The following GALNT13 variants were observed in gnomAD, a reference collection of about 807,000 sequenced individuals.
GALNT13 encodes UDP-GalNAc:polypeptide N-acetylgalactosaminyltransferase 13.
A neutral mutation model predicts 64.2 loss-of-function variants in GALNT13; 28 were observed. That is an observed-to-expected ratio of 0.44 (90% CI 0.32 to 0.60). GALNT13 has a LOEUF of 0.60. Among genes scored for constraint, GALNT13 ranks in the 20% least tolerant of loss-of-function variants. GALNT13 has a pLI of 0.05. For synonymous variants in GALNT13, 214 were observed against 224.6 expected, an observed-to-expected ratio of 0.95 and a Z score of 0.42; for missense variants, 577 against 669.8, an observed-to-expected ratio of 0.86 and a Z score of 1.53.
chr2:153,422,259 C>A, the GALNT13 span, among the ~76,000 whole-genome samples: 3 of 152,108 alleles, frequency 2.0e-5, no homozygotes, highest in Non-Finnish European at 2.9e-5. Flanking sequence ...AAAATCAGCA[C>A]AACTTCCAGT....
intron 11 of GALNT13, among the ~76,000 whole-genome samples, chr2:154,421,576 AATG>A (rs1320196030): frequency 7.0e-6 from 1 of 143,798 alleles, no homozygotes; most frequent in Non-Finnish European, 1.5e-5. Context: ...TTTCTGTATA[AATG>A]ATGAAGAAAA....
At chr2:154,008,328 A>G (rs754585016) in intron 3 of GALNT13, among the ~76,000 whole-genome samples, 25 of 152,144 alleles carry the variant, frequency 1.6e-4, no homozygotes, top group Non-Finnish European at 3.5e-4. Flanking sequence ...GTTATCCATT[A>G]TCTTGGAATA....
chr2:153,832,966 G>A, the GALNT13 span, among the ~76,000 whole-genome samples: 1 of 152,166 alleles, frequency 6.6e-6, no homozygotes, highest in South Asian at 2.1e-4. Flanking sequence ...TCAATTGCCT[G>A]TGGTCAAGCT....
At chr2:153,192,711 C>T in the GALNT13 span, among the ~76,000 whole-genome samples, 2 of 151,986 alleles carry the variant, frequency 1.3e-5, no homozygotes, top group African/African-American at 2.4e-5. Context: ...ACTGTTATAT[C>T]CTTTGGTTGA....
At chr2:154,067,650 G>A (rs1316404743) in intron 3 of GALNT13, among the ~76,000 whole-genome samples, 1 of 151,978 alleles carries the variant, frequency 6.6e-6, no homozygotes, top group Non-Finnish European at 1.5e-5. Context: ...AAATATTAGA[G>A]CTAAAAAGAG....
the GALNT13 span, among the ~76,000 whole-genome samples, chr2:153,398,255 T>A: frequency 6.6e-5 from 10 of 152,304 alleles, no homozygotes; most frequent in African/African-American, 2.4e-4. Flanking sequence ...CATAAACTCA[T>A]CATTTTTTGT....
chr2:153,547,931 G>A, the GALNT13 span, among the ~76,000 whole-genome samples: 2 of 152,154 alleles, frequency 1.3e-5, no homozygotes, highest in African/African-American at 4.8e-5. Context: ...CTTGATTGCT[G>A]TAAAAATGGA....
At chr2:153,316,430 C>T in the GALNT13 span, among the ~76,000 whole-genome samples, 1 of 151,838 alleles carries the variant, frequency 6.6e-6, no homozygotes, top group Non-Finnish European at 1.5e-5. Context: ...ATCATGAGGT[C>T]AGGAGATCGA....
chr2:153,334,210 T>C, the GALNT13 span, among the ~76,000 whole-genome samples: 9 of 152,206 alleles, frequency 5.9e-5, no homozygotes, highest in African/African-American at 1.2e-4. Flanking sequence ...ATAATTTTCA[T>C]TGGATTGAAT....
the GALNT13 span, among the ~76,000 whole-genome samples, chr2:153,654,890 C>A: frequency 6.6e-6 from 1 of 152,056 alleles, no homozygotes; most frequent in South Asian, 2.1e-4. Context: ...ATCTATGTGG[C>A]ACCTGAATCC....
the GALNT13 span, among the ~76,000 whole-genome samples, chr2:153,531,329 G>A: frequency 5.3e-5 from 8 of 152,138 alleles, no homozygotes; most frequent in African/African-American, 1.9e-4. Flanking sequence ...AGCAAGCAAA[G>A]TGTTACATGG....
chr2:154,270,181 C>T lies in GALNT13; in HGVS notation c.975+11043C>T, dbSNP rs931969114. Among the ~76,000 whole-genome samples the T allele has an allele frequency of 5.3e-5, 8 of 151,536 alleles. 1 individual carries two copies. The highest frequency in any genetic ancestry group is 5.9e-5 in the Non-Finnish European group (4 of 67,698). On this transcript the variant is annotated intron_variant, in intron 8 of 12. Coordinates refer to ENST00000392825, the MANE Select transcript of GALNT13 (RefSeq NM_052917.4). ...TTAAAATTATAATAGCTTAAGGCAT[C>T]GTAATTTCAATAACTACATTCCTCT...
chr2:154,341,269 A>G (rs1160410314), intron 9 of GALNT13, among the ~76,000 whole-genome samples: 1 of 152,136 alleles, frequency 6.6e-6, no homozygotes, highest in African/African-American at 2.4e-5. Flanking sequence ...CCACTTTGCT[A>G]CTAGAGAGAG....
chr2:153,139,683 A>G, the GALNT13 span, among the ~76,000 whole-genome samples: 2 of 152,026 alleles, frequency 1.3e-5, no homozygotes, highest in African/African-American at 4.8e-5. Flanking sequence ...AAGGCTTCTC[A>G]GGAGGAGGAC....
At chr2:153,684,480 T>C in the GALNT13 span, among the ~76,000 whole-genome samples, 2 of 151,676 alleles carry the variant, frequency 1.3e-5, no homozygotes, top group East Asian at 1.9e-4. Flanking sequence ...TTAACTTGAA[T>C]ATCAGGGAGG....
the GALNT13 span, among the ~76,000 whole-genome samples, chr2:153,294,281 C>T: frequency 6.6e-6 from 1 of 152,064 alleles, no homozygotes; most frequent in Non-Finnish European, 1.5e-5. Flanking sequence ...TACTCAGGTT[C>T]CCAGGAGTCA....
At chr2:154,218,318 T>C (rs1688151302) in intron 4 of GALNT13, among the ~76,000 whole-genome samples, 1 of 152,026 alleles carries the variant, frequency 6.6e-6, no homozygotes, top group Non-Finnish European at 1.5e-5. Context: ...ATTTCCTCAG[T>C]CTCCAAACCC....
chr2:153,225,597 T>G, the GALNT13 span, among the ~76,000 whole-genome samples: 1 of 152,168 alleles, frequency 6.6e-6, no homozygotes, highest in Admixed American at 6.5e-5. Context: ...AAACATCTGT[T>G]AAAAACCTCT....
At chr2:153,133,326 C>T in the GALNT13 span, among the ~76,000 whole-genome samples, 8 of 152,006 alleles carry the variant, frequency 5.3e-5, no homozygotes, top group African/African-American at 1.2e-4. Context: ...AGAGAACCTC[C>T]AAGGGGCCTA....
Sources: gnomAD v4.1 joint callset for allele counts (sites outside exome capture counted in the v4.1 genomes callset) on GRCh38, gnomAD v4.1.1 for gene constraint, MANE v1.5 for transcripts, NCBI Gene and HGNC (gene_info 2026-07-23, HGNC 2026-07-21) for gene names.